Variants in AKAP12 observed in about 807,000 individuals in gnomAD.
AKAP12 encodes the protein A-kinase anchoring protein 12, also known as A-kinase anchor protein 12.
AKAP12 carries 32 observed loss-of-function variants against 79.9 expected under a neutral mutation model. The observed-to-expected ratio is 0.40, with a 90% CI of 0.30 to 0.54. The LOEUF (loss-of-function observed/expected upper bound fraction) is 0.54. AKAP12 is among the 20% of genes least tolerant of loss of function. AKAP12 has a pLI of 0.48. For missense variants in AKAP12, 2,074 were observed against 2,177.0 expected (o/e 0.95, Z 0.94); for synonymous variants, 808 against 857.0 (o/e 0.94, Z 1.00).
In AKAP12 at chr6:151,265,414, A is replaced by G. The variant is rs117436352; in HGVS notation, c.162+24690A>G. Among the ~76,000 whole-genome samples the G allele has an allele frequency of 6.4e-4, 98 of 152,366 alleles. 2 individuals carry two copies. The East Asian group carries it at 0.016, about 26-fold the overall frequency. On this transcript the variant is annotated intron_variant, in intron 2 of 4. Coordinates refer to ENST00000402676, the MANE Select transcript of AKAP12 (RefSeq NM_005100.4). ...TGACTGCTTAAAACTTTTCCTTTGCAGGAATTCAGCTAGCCCATTCTAAAA... is the reference window on the plus strand; with the variant it reads ...TGACTGCTTAAAACTTTTCCTTTGCGGGAATTCAGCTAGCCCATTCTAAAA...
rs750035391 is a variant in AKAP12, at chr6:151,349,816, C to A, written c.1425C>A (p.Asp475Glu). The part of the protein sequence containing the change: ...KLKETCVSGE[D>E]PTQGADLSPD... ...AAGAAACGTGTGTTTCCGGAGAGGACCCTACACAGGGAGCTGACCTCAGTC... is the reference window on the plus strand; with the variant it reads ...AAGAAACGTGTGTTTCCGGAGAGGAACCTACACAGGGAGCTGACCTCAGTC... The change falls in exon 4 of 5, where the codon GAC becomes GAA. Residue 475 changes from aspartate (D) to glutamate (E), a missense_variant. Asp to Glu is a conservative substitution (Grantham distance 45, BLOSUM62 2). Around this residue, in one of 3 missense-constraint regions of AKAP12, gnomAD observed 1,428 missense variants for 1,451.0 expected, o/e 0.98. Transcript: ENST00000402676. 4 of 1,613,970 alleles carry A rather than the reference C, an allele frequency of 2.5e-6. No individual in the cohort carries two copies. The Admixed American group carries it at 6.7e-5, about 27-fold the overall frequency.
chr6:151,348,579 C>T (rs1020258145), intron 3 of AKAP12, 132 bp from the exon 4 acceptor site: 33 of 670,606 alleles, frequency 4.9e-5, no homozygotes, highest in Non-Finnish European at 7.0e-5. Flanking sequence ...GTTGAGGCTG[C>T]AGTGAGCCGA....
chr6:151,271,268 G>A (rs986449640), intron 2 of AKAP12, among the ~76,000 whole-genome samples: 6 of 151,772 alleles, frequency 4.0e-5, no homozygotes, highest in Non-Finnish European at 8.8e-5. Flanking sequence ...TCGTCTCCTG[G>A]GAATATATCC....
Position 151,356,063 on chromosome 6 carries a change from T to C in AKAP12, c.*349T>C, listed in dbSNP as rs1354238034. On this transcript the variant is annotated 3_prime_UTR_variant, in exon 5 of 5. Coordinates refer to ENST00000402676, the MANE Select transcript of AKAP12 (RefSeq NM_005100.4). ...GAGTATCATTCTTTACATATTTATATGTATGTTTTAAGTAGTCCTCCTGTA... is the reference window on the plus strand; with the variant it reads ...GAGTATCATTCTTTACATATTTATACGTATGTTTTAAGTAGTCCTCCTGTA... 1 of 152,686 alleles carries C rather than the reference T, an allele frequency of 6.5e-6. No homozygotes were observed. Among genetic ancestry groups the C allele is most frequent in the Non-Finnish European group, 1.5e-5 (1 of 68,052 alleles). The allele number at this position is 152,686 out of a possible 1,614,324, so 9.5% of individuals were successfully genotyped here.
Position 151,324,882 on chromosome 6 carries a change from T to C in AKAP12, c.319+18979T>C, listed in dbSNP as rs1777484317. The C allele has an allele frequency of 5.1e-6, 5 of 985,466 alleles. No homozygotes were observed. The South Asian group carries it at 2.3e-4, about 46-fold the overall frequency. The allele number at this position is 985,466 out of a possible 1,614,324, so 61.0% of individuals were successfully genotyped here. On this transcript the variant is annotated intron_variant, in intron 3 of 4. Coordinates refer to ENST00000402676, the MANE Select transcript of AKAP12 (RefSeq NM_005100.4). Reference sequence around the variant, plus strand: ...AAGTATTCTAGGGCTGCCTGAAATCTTCTGAACTTTTAACATAGGCTTTGA... The same window carrying C: ...AAGTATTCTAGGGCTGCCTGAAATCCTCTGAACTTTTAACATAGGCTTTGA...
intron 3 of AKAP12, 26 bp from the exon 4 acceptor site, chr6:151,348,685 A>ACCCCCCCCCC: frequency 6.1e-6 from 1 of 164,742 alleles, no homozygotes; most frequent in South Asian, 4.1e-5. Context: ...TCTTCTCCCC[A>ACCCCCCCCCC]CCCCCCCGCC....
At chr6:151,267,012 C>A in intron 2 of AKAP12, among the ~76,000 whole-genome samples, 1 of 60,632 alleles carries the variant, frequency 1.6e-5, no homozygotes, top group Non-Finnish European at 2.8e-5. Context: ...GAGACTCCAT[C>A]TCAAAAAAAA....
intron 3 of AKAP12, chr6:151,341,621 G>T: frequency 1.1e-6 from 1 of 942,722 alleles, no homozygotes; most frequent in Non-Finnish European, 1.3e-6. Context: ...GGGCCTCACG[G>T]GCGGCTGTTG....
At position 151,352,140 on chromosome 6, in the gene AKAP12, T is replaced by C. The variant is rs1018176952; in HGVS notation, c.3749T>C (p.Val1250Ala). 1.2e-6 allele frequency: 2 copies of C among 1,613,922 alleles called. No homozygotes were observed. Among genetic ancestry groups the C allele is most frequent in the Non-Finnish European group, 1.7e-6 (2 of 1,180,016 alleles). The stretch of plus-strand genomic sequence containing the variant: ...ACTCTAGAGCATACAGATAAAGAGG[T>C]GTCAGTGGAAACTGTATCCATTCTG... ...EDTLEHTDKE[V>A]SVETVSILSK... Residue 1250 changes from valine (V) to alanine (A), a missense_variant, in exon 4 of 5, where the codon GTG becomes GCG. Around this residue, in one of 3 missense-constraint regions of AKAP12, gnomAD observed 614 missense variants for 665.6 expected, o/e 0.92. Coordinates refer to ENST00000402676, the MANE Select transcript of AKAP12 (RefSeq NM_005100.4).
chr6:151,300,721 C>G (rs200783093), intron 2 of AKAP12, among the ~76,000 whole-genome samples: 1 of 141,578 alleles, frequency 7.1e-6, no homozygotes, highest in Admixed American at 7.1e-5. Context: ...TTTTTAGGGT[C>G]TTTTTTTTTT....
chr6:151,247,244 T>TA (rs1389620307), intron 2 of AKAP12, among the ~76,000 whole-genome samples: 1 of 151,724 alleles, frequency 6.6e-6, no homozygotes, highest in Non-Finnish European at 1.5e-5. Context: ...CTACAAAAAA[T>TA]AAAAAATTTA....
chr6:151,272,260 C>T (rs1304085923), intron 2 of AKAP12, among the ~76,000 whole-genome samples: 1 of 150,552 alleles, frequency 6.6e-6, no homozygotes, highest in Non-Finnish European at 1.5e-5. Context: ...TGGAAGGATC[C>T]CTTGAGCCAA....
intron 2 of AKAP12, among the ~76,000 whole-genome samples, chr6:151,302,262 G>A (rs796605011): frequency 3.3e-5 from 5 of 151,798 alleles, no homozygotes; most frequent in South Asian, 2.1e-4. Context: ...TGCCTGCCTC[G>A]GCCTCCCAAA....
In AKAP12 at chr6:151,256,142, A is replaced by G. The variant is rs118008053; in HGVS notation, c.162+15418A>G. On this transcript the variant is annotated intron_variant, in intron 2 of 4. Transcript: ENST00000402676. ...TGCACGAGAGAAAGAACCACTGAAT[A>G]ATGAGGCAGGAAGGAACCTCAGCCT... is the stretch of plus-strand genomic sequence containing the variant. Among the ~76,000 whole-genome samples, 1,520 of 152,292 alleles carry G rather than the reference A, an allele frequency of 1.0e-2. 7 individuals are homozygous for G. Among genetic ancestry groups the G allele is most frequent in the Non-Finnish European group, 0.015 (1,037 of 68,032 alleles).
rs539124981 is a variant in AKAP12, at chr6:151,267,084, G to C, written c.162+26360G>C. Among the ~76,000 whole-genome samples, 646 of 147,614 alleles carry C rather than the reference G, an allele frequency of 4.4e-3. 4 individuals carry two copies. Among genetic ancestry groups the C allele is most frequent in the African/African-American group, 0.015 (588 of 40,428 alleles). On this transcript the variant is annotated intron_variant, in intron 2 of 4. Coordinates refer to ENST00000402676, the MANE Select transcript of AKAP12 (RefSeq NM_005100.4). ...AAAGTGTTGGAATGATAGGGTTTTAGATTGTTTCATCTTTTCAAAACTTTC... is the reference window on the plus strand; with the variant it reads ...AAAGTGTTGGAATGATAGGGTTTTACATTGTTTCATCTTTTCAAAACTTTC...
In AKAP12 at chr6:151,351,227, G is replaced by A. The variant is rs539593053; in HGVS notation, c.2836G>A (p.Glu946Lys). ...VLEREVIAEEEPPTVTEPLPE... is the reference protein window; with the variant it reads ...VLEREVIAEEKPPTVTEPLPE... ...GGAAAGAGAAGTAATTGCAGAAGAA[G>A]AACCCCCCACGGTTACTGAACCTCT... Residue 946 changes from glutamate to lysine, a missense_variant, in exon 4 of 5, where the codon GAA becomes AAA. This residue lies in a region of AKAP12 where 1,428 missense variants were observed against 1,451.0 expected (regional missense o/e 0.98). Coordinates refer to ENST00000402676, the MANE Select transcript of AKAP12 (RefSeq NM_005100.4). This position sits in a 1 kb window ranked among gnomAD's most constrained non-coding sequence, Gnocchi z 4.4. The A allele has an allele frequency of 3.1e-6, 5 of 1,614,212 alleles. No homozygotes were observed. The highest frequency in any genetic ancestry group is 4.5e-5 in the East Asian group (2 of 44,888).
intron 3 of AKAP12, among the ~76,000 whole-genome samples, chr6:151,344,438 A>G (rs1778031288): frequency 6.6e-6 from 1 of 152,214 alleles, no homozygotes. Flanking sequence ...AGCATAACTT[A>G]GAGAATAACA....
rs1776397811 is a variant in AKAP12 at position 151,281,068 on chromosome 6, G to T, written c.163-24679G>T. Among the ~76,000 whole-genome samples, 3 of 152,220 alleles carry T rather than the reference G, an allele frequency of 2.0e-5. No homozygotes were observed. In the South Asian group the frequency reaches 6.2e-4, roughly 32 times the overall value. ...TTCTGCAGGAAGTGGCTGTGTTTCTGTGCTTTCATCCTGTTATTTCCTTAG... is the reference window on the plus strand; with the variant it reads ...TTCTGCAGGAAGTGGCTGTGTTTCTTTGCTTTCATCCTGTTATTTCCTTAG... On this transcript the variant is annotated intron_variant, in intron 2 of 4. Transcript: ENST00000402676.
At chr6:151,353,896 G>C in intron 4 of AKAP12, 144 bp downstream of exon 4, 1 of 608,758 alleles carries the variant, frequency 1.6e-6, no homozygotes, top group South Asian at 2.6e-5. Flanking sequence ...TAGATTCAAA[G>C]ATCTAGGATA....
Sources: allele counts gnomAD v4.1 joint callset (sites outside exome capture counted in the v4.1 genomes callset), GRCh38; gene constraint gnomAD v4.1.1; regional missense constraint gnomAD v4.1.1; non-coding constraint Gnocchi (gnomAD v3.1); transcripts MANE v1.5; gene names NCBI Gene and HGNC (gene_info 2026-07-23, HGNC 2026-07-21).